The following CYP3A4 variants were observed in gnomAD, a reference collection of about 807,000 sequenced individuals.
CYP3A4 encodes the protein cytochrome P450 3A4.
A neutral mutation model predicts 54.9 loss-of-function variants in CYP3A4; 41 were observed. The observed-to-expected ratio is 0.75, with a 90% confidence interval of 0.58 to 0.97. CYP3A4 has a LOEUF of 0.97. Ranked by LOEUF, CYP3A4 falls within the 50% of genes least tolerant of loss-of-function variation. CYP3A4 has a pLI of 0.00. For synonymous variants in CYP3A4, 179 were observed against 205.2 expected, an observed-to-expected ratio of 0.87 and a Z score of 1.09; for missense variants, 510 against 597.3, an observed-to-expected ratio of 0.85 and a Z score of 1.52.
intron 11 of CYP3A4, among the ~76,000 whole-genome samples, 155 bp from the exon 12 acceptor site, chr7:99,761,136 T>G (rs1176259541): frequency 6.6e-6 from 1 of 152,252 alleles, no homozygotes; most frequent in African/African-American, 2.4e-5. Context: ...CTTATTTTGC[T>G]ATGAGAATTG....
chr7:99,783,411 T>C (rs1168849022), intron 1 of CYP3A4, among the ~76,000 whole-genome samples: 3 of 152,080 alleles, frequency 2.0e-5, no homozygotes, highest in Non-Finnish European at 2.9e-5. Flanking sequence ...CGTCACTACT[T>C]TCCTTCCTTA....
In CYP3A4 at chr7:99,784,000, C is replaced by T. The variant is rs778644522; in HGVS notation, c.71+11G>A. On this transcript the variant is annotated intron_variant, in intron 1 of 12. Transcript: ENST00000651514. ...AGGAAACAGAGAAGAGGAGCCTGGA[C>T]AGTTACTCACAGATAGAGGAGCACC... The T allele has an allele frequency of 6.2e-7, 1 of 1,613,546 alleles. No individual in the cohort carries two copies. Among genetic ancestry groups the T allele is most frequent in the Admixed American group, 1.7e-5 (1 of 59,992 alleles).
At chr7:99,777,112 C>T (rs1397804844) in intron 3 of CYP3A4, among the ~76,000 whole-genome samples, 5 of 152,250 alleles carry the variant, frequency 3.3e-5, no homozygotes, top group African/African-American at 1.2e-4. Flanking sequence ...CATTCAAAAG[C>T]ACTTTAAATC....
In CYP3A4 at chr7:99,770,318, C is replaced by G. The variant is rs1815597499; in HGVS notation, c.319-83G>C. 1.8e-5 allele frequency: 22 copies of G among 1,234,044 alleles called. No homozygotes were observed. In the South Asian group the frequency reaches 2.4e-4, roughly 14 times the overall value. 76.4% of individuals were successfully genotyped at this position (1,234,044 alleles called of 1,614,324 possible). ...GTAGAAAATGTGTTAAACAGGAACA[C>G]TTATTCAACAACTATTTAGTGACTG... is the stretch of plus-strand genomic sequence containing the variant. On this transcript the variant is annotated intron_variant, in intron 4 of 12. Transcript: ENST00000651514.
chr7:99,761,000 A>AT lies in CYP3A4; in HGVS notation c.1254-20dup. On this transcript the variant is annotated intron_variant, in intron 11 of 12. Coordinates refer to ENST00000651514, the MANE Select transcript of CYP3A4 (RefSeq NM_017460.6). ...GCTGAATCTGGTTCCACGTTGGTAG[A>AT]TTTTTAAAAAGTTAATGACATAATA... 1 of 1,611,046 alleles carries AT rather than the reference A, an allele frequency of 6.2e-7. No individual in the cohort carries two copies. Among genetic ancestry groups the AT allele is most frequent in the African/African-American group, 1.3e-5 (1 of 74,824 alleles).
chr7:99,774,934 G>A (rs2404767), intron 3 of CYP3A4, among the ~76,000 whole-genome samples: 143,306 of 152,200 alleles, frequency 0.94, 68,047 homozygotes, highest in East Asian at 1. Context: ...GTATATTTAG[G>A]AAACCCCATC....
Position 99,767,006 on chromosome 7 carries a change from C to T in CYP3A4, c.798+125G>A, listed in dbSNP as rs147729006. On this transcript the variant is annotated intron_variant, in intron 8 of 12. Coordinates refer to ENST00000651514, the MANE Select transcript of CYP3A4 (RefSeq NM_017460.6). ...ACCAAATGAATTCTCTTGCTCTAAACATGAGCAGTCTTCATGTTAAAAGCA... is the reference window on the plus strand; with the variant it reads ...ACCAAATGAATTCTCTTGCTCTAAATATGAGCAGTCTTCATGTTAAAAGCA... 66 of 859,098 alleles carry T rather than the reference C, an allele frequency of 7.7e-5. No individual in the cohort carries two copies. In the African/African-American group the frequency reaches 8.8e-4, roughly 11 times the overall value. 53.2% of individuals were successfully genotyped at this position (859,098 alleles called of 1,614,324 possible).
Position 99,767,241 on chromosome 7 carries a change from T to G in CYP3A4, c.688A>C (p.Ile230Leu). The change falls in exon 8 of 13, where the codon ATC (isoleucine) becomes CTC (leucine). Residue 230 changes from isoleucine to leucine, a missense_variant. Ile to Leu is a conservative substitution (Grantham distance 5). Transcript: ENST00000651514. ...FLSITVFPFL[I>L]PILEVLNICV... ...ATATTTAATACTTCAAGAATTGGGA[T>G]GAGGAATGGAAAGACTGCTGTAGGA... 3 of 1,598,952 alleles carry G rather than the reference T, an allele frequency of 1.9e-6. No individual in the cohort carries two copies. The highest frequency in any genetic ancestry group is 2.6e-6 in the Non-Finnish European group (3 of 1,175,388).
chr7:99,778,115 T>C, intron 2 of CYP3A4, 35 bp from the exon 3 acceptor site: 2 of 1,546,468 alleles, frequency 1.3e-6, no homozygotes, highest in Non-Finnish European at 1.8e-6. Context: ...TTGATTATTA[T>C]TTTTAATGTA....
rs1364523675 is a variant in CYP3A4 at position 99,758,109 on chromosome 7, C to A, written c.*24G>T. ...TCTCAGGCACAGATTTCTTGAAGAG[C>A]AAAGCAGAAGTCCTTAGGAAAATTC... On this transcript the variant is annotated 3_prime_UTR_variant, in exon 13 of 13. Coordinates refer to ENST00000651514, the MANE Select transcript of CYP3A4 (RefSeq NM_017460.6). 6.3e-7 allele frequency: 1 copy of A among 1,594,924 alleles called. No individual in the cohort carries two copies. The highest frequency in any genetic ancestry group is 8.6e-7 in the Non-Finnish European group (1 of 1,162,764).
intron 3 of CYP3A4, among the ~76,000 whole-genome samples, chr7:99,774,835 T>C (rs1280665015): frequency 6.6e-6 from 1 of 152,190 alleles, no homozygotes; most frequent in Non-Finnish European, 1.5e-5. Flanking sequence ...TCGGAAGTTC[T>C]GAATAGGGCA....
intron 1 of CYP3A4, among the ~76,000 whole-genome samples, chr7:99,783,149 A>G (rs1280331285): frequency 6.6e-6 from 1 of 152,130 alleles, no homozygotes; most frequent in Admixed American, 6.5e-5. Context: ...TATATTTTCT[A>G]TTTTCCTGTC....
chr7:99,782,228 G>C (rs998706964), intron 1 of CYP3A4, among the ~76,000 whole-genome samples: 1 of 152,204 alleles, frequency 6.6e-6, no homozygotes, highest in African/African-American at 2.4e-5. Flanking sequence ...AGCAGCATTG[G>C]TCCCCAAGGA....
chr7:99,782,653 T>C (rs1815956431), intron 1 of CYP3A4, among the ~76,000 whole-genome samples: 1 of 152,108 alleles, frequency 6.6e-6, no homozygotes, highest in Admixed American at 6.5e-5. Context: ...GAATATCTCT[T>C]TGGAGTTCTA....
Position 99,760,986 on chromosome 7 carries a change from T to C in CYP3A4, c.1254-5A>G, listed in dbSNP as rs1195572728. The C allele has an allele frequency of 6.2e-7, 1 of 1,612,306 alleles. No individual in the cohort carries two copies. Among genetic ancestry groups the C allele is most frequent in the Non-Finnish European group, 8.5e-7 (1 of 1,179,260 alleles). ...TCCTTGTTCTTCTTGCTGAATCTGG[T>C]TCCACGTTGGTAGATTTTTAAAAAG... On this transcript the variant is annotated splice_polypyrimidine_tract_variant and splice_region_variant and intron_variant, in intron 11 of 12. Coordinates refer to ENST00000651514, the MANE Select transcript of CYP3A4 (RefSeq NM_017460.6).
chr7:99,770,105 T>A lies in CYP3A4; in HGVS notation c.432+17A>T. ...CATTCTTTAAGTTTCTTATTAAAAC[T>A]CATGTTATTTTCATACCTCCTTGAG... is the stretch of plus-strand genomic sequence containing the variant. On this transcript the variant is annotated intron_variant, in intron 5 of 12. Coordinates refer to ENST00000651514, the MANE Select transcript of CYP3A4 (RefSeq NM_017460.6). 1 of 1,599,318 alleles carries A rather than the reference T, an allele frequency of 6.3e-7. No homozygotes were observed. The highest frequency in any genetic ancestry group is 8.6e-7 in the Non-Finnish European group (1 of 1,166,820).
At position 99,768,480 on chromosome 7, in the gene CYP3A4, C is replaced by T; in HGVS notation, c.544G>A (p.Asp182Asn). Residue 182 changes from aspartate to asparagine, a missense_variant, in exon 7 of 13, where the codon GAT becomes AAT. Physicochemically the swap from Asp to Asn is conservative, Grantham distance 23. Coordinates refer to ENST00000651514, the MANE Select transcript of CYP3A4 (RefSeq NM_017460.6). Reference protein sequence around the residue: ...LKDVFGAYSMDVITSTSFGVN... With the variant: ...LKDVFGAYSMNVITSTSFGVN... ...CCAAATGATGTGCTAGTGATCACATCCATGCTGTAGGCCCCAAAGACGCTG... is the reference window on the plus strand; with the variant it reads ...CCAAATGATGTGCTAGTGATCACATTCATGCTGTAGGCCCCAAAGACGCTG... 1 of 1,613,792 alleles carries T rather than the reference C, an allele frequency of 6.2e-7. No homozygotes were observed. The highest frequency in any genetic ancestry group is 8.5e-7 in the Non-Finnish European group (1 of 1,179,850).
At chr7:99,782,268 G>C (rs763902675) in intron 1 of CYP3A4, among the ~76,000 whole-genome samples, 5 of 152,212 alleles carry the variant, frequency 3.3e-5, no homozygotes, top group East Asian at 1.9e-4. Flanking sequence ...AGACTCACAT[G>C]GTTCCGTGTC....
chr7:99,773,926 G>GT (rs1326342403), intron 3 of CYP3A4, among the ~76,000 whole-genome samples: 3 of 151,716 alleles, frequency 2.0e-5, no homozygotes, highest in African/African-American at 7.3e-5. Context: ...TTTGAAAAAG[G>GT]TCAACAAAAT....
Sources: allele counts gnomAD v4.1 joint callset (sites outside exome capture counted in the v4.1 genomes callset), GRCh38; gene constraint gnomAD v4.1.1; transcripts MANE v1.5; gene names NCBI Gene and HGNC (gene_info 2026-07-23, HGNC 2026-07-21).